RSPO4: variants seen among roughly 807,000 people sequenced by gnomAD.
RSPO4 encodes the protein R-spondin-4.
RSPO4 carries 23 observed loss-of-function variants against 24.8 expected under a neutral mutation model. The observed-to-expected ratio is 0.93, with a 90% CI of 0.67 to 1.31. RSPO4 has a LOEUF of 1.31. RSPO4 is among the 40% of genes most tolerant of loss of function. The pLI, the probability that RSPO4 is intolerant of heterozygous loss-of-function variation, is 0.00. For synonymous variants in RSPO4, 141 were observed against 127.4 expected, an observed-to-expected ratio of 1.11 and a Z score of -0.72; for missense variants, 333 against 316.5, an observed-to-expected ratio of 1.05 and a Z score of -0.39.
At chr20:979,973 A>G (rs1255001963) in intron 1 of RSPO4, among the ~76,000 whole-genome samples, 2 of 152,046 alleles carry the variant, frequency 1.3e-5, no homozygotes, top group South Asian at 4.1e-4. Context: ...GAGTTCCAGG[A>G]AGGCAGGGAT....
chr20:983,823 T>C (rs1374137489), intron 1 of RSPO4, among the ~76,000 whole-genome samples: 2 of 152,206 alleles, frequency 1.3e-5, no homozygotes, highest in Non-Finnish European at 2.9e-5. Flanking sequence ...TCAACAATCC[T>C]GCAAGATGGG....
intron 1 of RSPO4, among the ~76,000 whole-genome samples, chr20:991,119 T>C (rs1424987539): frequency 6.6e-6 from 1 of 152,186 alleles, no homozygotes; most frequent in Non-Finnish European, 1.5e-5. Context: ...TGCTTGTTTA[T>C]TTTAAAAGAA....
In RSPO4 at chr20:981,904, A is replaced by G. The variant is rs1984746300; in HGVS notation, c.80-13766T>C. On this transcript the variant is annotated intron_variant, in intron 1 of 4. Transcript: ENST00000217260. This position sits in a 1 kb window ranked among gnomAD's most constrained non-coding sequence, Gnocchi z 4.6. ...TGGCATCCCCCACTTCCCACCCCAC[A>G]TCAACCAAATCTCTGCTTCCCCATT... 6.6e-6 allele frequency among the ~76,000 whole-genome samples: 1 copy of G among 152,130 alleles called. No individual in the cohort carries two copies. The highest frequency in any genetic ancestry group is 2.4e-5 in the African/African-American group (1 of 41,422).
intron 4 of RSPO4, among the ~76,000 whole-genome samples, chr20:961,101 CTTCT>C (rs1288539443): frequency 3.3e-5 from 5 of 152,118 alleles, no homozygotes; most frequent in Admixed American, 6.6e-5. Context: ...CTTTCTTTTT[CTTCT>C]TTATTTCCTT....
intron 4 of RSPO4, among the ~76,000 whole-genome samples, chr20:963,586 TA>T (rs35816770): frequency 0.038 from 5,693 of 151,770 alleles, 244 homozygotes; most frequent in African/African-American, 0.11. Flanking sequence ...ACTATACTGA[TA>T]AAAAAAAATT....
rs774880050 is a variant in RSPO4 at position 996,933 on chromosome 20, C to T, written c.79+5153G>A. ...ACAAAATCCTAAATCCTACTCCCCC[C>T]GATGGGGTTCCTCTCAGACACTTAC... On this transcript the variant is annotated intron_variant, in intron 1 of 4. Coordinates refer to ENST00000217260, the MANE Select transcript of RSPO4 (RefSeq NM_001029871.4). Among the ~76,000 whole-genome samples the T allele has an allele frequency of 8.6e-4, 131 of 152,192 alleles. 1 individual carries two copies. Among genetic ancestry groups the T allele is most frequent in the Non-Finnish European group, 1.5e-3 (102 of 68,034 alleles).
intron 1 of RSPO4, among the ~76,000 whole-genome samples, chr20:982,482 T>C (rs1456165832): frequency 1.3e-5 from 2 of 152,228 alleles, no homozygotes; most frequent in Non-Finnish European, 2.9e-5. Flanking sequence ...ACAGGTTTGC[T>C]GTGTGGGTGA....
At chr20:989,199 C>A (rs1470806635) in intron 1 of RSPO4, among the ~76,000 whole-genome samples, 1 of 152,138 alleles carries the variant, frequency 6.6e-6, no homozygotes, top group Non-Finnish European at 1.5e-5. Context: ...CCAGTCCAGG[C>A]TCCCAGACTA....
intron 1 of RSPO4, among the ~76,000 whole-genome samples, chr20:992,413 C>G (rs1414221755): frequency 6.6e-6 from 1 of 152,012 alleles, no homozygotes; most frequent in East Asian, 1.9e-4. Context: ...TCCTCTGAAT[C>G]TGGCATGCTC....
chr20:962,742 G>T, intron 4 of RSPO4, among the ~76,000 whole-genome samples: 1 of 152,176 alleles, frequency 6.6e-6, no homozygotes, highest in Non-Finnish European at 1.5e-5. Context: ...TGTCCCAGCT[G>T]GGTGCCCCGG....
chr20:998,881 G>A (rs185060951), intron 1 of RSPO4, among the ~76,000 whole-genome samples: 2 of 152,136 alleles, frequency 1.3e-5, no homozygotes, highest in Non-Finnish European at 2.9e-5. Flanking sequence ...GTCAAAGCTG[G>A]TAGGACCCTG....
At position 1,002,129 on chromosome 20, in the gene RSPO4, G is replaced by A; in HGVS notation, c.36C>T (p.Ala12=). The A allele has an allele frequency of 6.4e-7, 1 of 1,565,960 alleles. No individual in the cohort carries two copies. The highest frequency in any genetic ancestry group is 8.7e-7 in the Non-Finnish European group (1 of 1,155,178). Residue 12 remains alanine (A), a synonymous_variant, in exon 1 of 5, where the codon GCC becomes GCT. Transcript: ENST00000217260. This position sits in a 1 kb window ranked among gnomAD's most constrained non-coding sequence, Gnocchi z 4.6. ...RAPLCLLLLV[A]HAVDMLALNR... is the part of the protein sequence containing the mutation. ...TCAGGGCGAGCATGTCCACGGCGTGGGCGACGAGCAGGAGCAGGCAGAGTG... is the reference window on the plus strand; with the variant it reads ...TCAGGGCGAGCATGTCCACGGCGTGAGCGACGAGCAGGAGCAGGCAGAGTG...
chr20:985,219 A>ATCCC (rs1984877919), intron 1 of RSPO4, among the ~76,000 whole-genome samples: 1 of 139,520 alleles, frequency 7.2e-6, no homozygotes, highest in Non-Finnish European at 1.5e-5. Flanking sequence ...CCATCCATCC[A>ATCCC]TCCACCCACC....
At chr20:999,426 G>A (rs1038933901) in intron 1 of RSPO4, among the ~76,000 whole-genome samples, 1 of 152,142 alleles carries the variant, frequency 6.6e-6, no homozygotes, top group Admixed American at 6.5e-5. Flanking sequence ...TGGCTGCCTT[G>A]CAAAATATGC....
At chr20:961,047 T>C (rs1983982326) in intron 4 of RSPO4, among the ~76,000 whole-genome samples, 1 of 152,206 alleles carries the variant, frequency 6.6e-6, no homozygotes, top group Admixed American at 6.5e-5. Flanking sequence ...TGTCCTCTCT[T>C]TCTCTCCACC....
chr20:973,584 G>A (rs753931782), intron 1 of RSPO4, among the ~76,000 whole-genome samples: 12 of 152,056 alleles, frequency 7.9e-5, no homozygotes, highest in Non-Finnish European at 1.8e-4. Context: ...AACGATTCTC[G>A]TGCCTCAGTC....
At chr20:996,974 C>A (rs1049811359) in intron 1 of RSPO4, among the ~76,000 whole-genome samples, 2 of 152,234 alleles carry the variant, frequency 1.3e-5, no homozygotes, top group Admixed American at 1.3e-4. Flanking sequence ...GCAGCCCTGG[C>A]AAATCACTGG....
intron 1 of RSPO4, among the ~76,000 whole-genome samples, chr20:996,426 C>A (rs1985292421): frequency 1.3e-5 from 2 of 152,198 alleles, no homozygotes; most frequent in South Asian, 4.1e-4. Context: ...AAGCAACCTC[C>A]CCTCTTTGTC....
At position 960,308 on chromosome 20, in the gene RSPO4, G is replaced by T; in HGVS notation, c.*49C>A. 8.5e-7 allele frequency: 1 copy of T among 1,171,562 alleles called. No individual in the cohort carries two copies. The highest frequency in any genetic ancestry group is 1.2e-6 in the Non-Finnish European group (1 of 813,966). The allele number at this position is 1,171,562 out of a possible 1,614,324, so 72.6% of individuals were successfully genotyped here. On this transcript the variant is annotated 3_prime_UTR_variant, in exon 5 of 5. Coordinates refer to ENST00000217260, the MANE Select transcript of RSPO4 (RefSeq NM_001029871.4). The stretch of plus-strand genomic sequence containing the variant: ...GAGAGGAGGAGAAGGAGCAGGAGGA[G>T]GTGTGCAGGGGCCGAGGACTAGGAC...
Sources: gnomAD v4.1 joint callset for allele counts (sites outside exome capture counted in the v4.1 genomes callset) on GRCh38, gnomAD v4.1.1 for gene constraint, Gnocchi (gnomAD v3.1) non-coding constraint, MANE v1.5 for transcripts, NCBI Gene and HGNC (gene_info 2026-07-23, HGNC 2026-07-21) for gene names.